Variants in RBM20 observed in about 807,000 individuals in gnomAD.
RBM20 encodes the protein RNA-binding protein 20.
In RBM20, 51 loss-of-function variants were observed where a neutral mutation model predicts 110.1. That is an observed-to-expected ratio of 0.46 (90% CI 0.37 to 0.59). The LOEUF is 0.59. Ranked by LOEUF, RBM20 falls within the 20% of genes least tolerant of loss-of-function variation. RBM20 has a pLI of 0.00. For synonymous variants in RBM20, 589 were observed against 618.2 expected (o/e 0.95, Z 0.70); for missense variants, 1,512 against 1,574.9 (o/e 0.96, Z 0.68).
chr10:110,652,357 C>T (rs1409368892), intron 1 of RBM20, among the ~76,000 whole-genome samples: 4 of 152,148 alleles, frequency 2.6e-5, no homozygotes, highest in African/African-American at 9.7e-5. Flanking sequence ...GGCAATTAGA[C>T]TGGTTTGTCT....
chr10:110,663,332 T>G (rs1238553927), intron 1 of RBM20, among the ~76,000 whole-genome samples: 4 of 152,172 alleles, frequency 2.6e-5, no homozygotes, highest in African/African-American at 9.7e-5. Flanking sequence ...AACACAGTAT[T>G]CTATGTATCA....
intron 3 of RBM20, among the ~76,000 whole-genome samples, chr10:110,783,772 C>G (rs1452189196): frequency 6.6e-6 from 1 of 152,184 alleles, no homozygotes; most frequent in South Asian, 2.1e-4. Context: ...TTTGAAAATA[C>G]TTTGAAGTAT....
rs573391328 is a variant in RBM20 at position 110,763,239 on chromosome 10, C to T, written c.192-17562C>T. On this transcript the variant is annotated intron_variant, in intron 1 of 13. Coordinates refer to ENST00000369519, the MANE Select transcript of RBM20 (RefSeq NM_001134363.3). The stretch of plus-strand genomic sequence containing the variant: ...TTTCAGTGCGACTATAGAAACGTCA[C>T]ACACCGGGTCTGAATTCAGTCCCAG... Among the ~76,000 whole-genome samples the T allele has an allele frequency of 1.1e-4, 17 of 152,170 alleles. No homozygotes were observed. In the East Asian group the frequency reaches 3.3e-3, roughly 29 times the overall value.
chr10:110,803,323 C>T (rs1844653733), intron 7 of RBM20, among the ~76,000 whole-genome samples: 1 of 152,180 alleles, frequency 6.6e-6, no homozygotes, highest in African/African-American at 2.4e-5. Flanking sequence ...AGTGTGTTAT[C>T]ATGATCTCTG....
At chr10:110,684,020 G>A (rs1862461369) in intron 1 of RBM20, among the ~76,000 whole-genome samples, 1 of 152,210 alleles carries the variant, frequency 6.6e-6, no homozygotes, top group Admixed American at 6.5e-5. Flanking sequence ...GGCGGCGGGA[G>A]ATGAGTAAAT....
At chr10:110,702,528 C>G (rs186130619) in intron 1 of RBM20, among the ~76,000 whole-genome samples, 1 of 152,172 alleles carries the variant, frequency 6.6e-6, no homozygotes, top group Non-Finnish European at 1.5e-5. Context: ...CACAATGAGG[C>G]CCTGTCTCTA....
rs1424130999 is a variant in RBM20 at position 110,644,622 on chromosome 10, C to T, written c.168C>T (p.Ala56=). ...CCCAGCCACCGCCCCCGCCCCAAGC[C>T]GGCCTACCCCAGATCATCCAAAAGT... ...PPPQPPPPPQ[A]GLPQIIQNAA... The change falls in exon 1 of 14, where the codon GCC becomes GCT. Residue 56 remains alanine, a synonymous_variant. Coordinates refer to ENST00000369519, the MANE Select transcript of RBM20 (RefSeq NM_001134363.3). This position sits in a 1 kb window ranked among gnomAD's most constrained non-coding sequence, Gnocchi z 4.3. The T allele has an allele frequency of 2.6e-6, 4 of 1,515,082 alleles. No homozygotes were observed. The African/African-American group carries it at 5.7e-5, about 22-fold the overall frequency. 93.9% of individuals were successfully genotyped at this position (1,515,082 alleles called of 1,614,324 possible).
Position 110,823,579 on chromosome 10 carries a change from C to A in RBM20, c.3416C>A (p.Pro1139Gln), listed in dbSNP as rs903726906. Residue 1139 changes from proline to glutamine, a missense_variant, in exon 12 of 14, where the codon CCA becomes CAA. Coordinates refer to ENST00000369519, the MANE Select transcript of RBM20 (RefSeq NM_001134363.3). ...CCCCTTTCTTTGCCCTCTTGGGAACCAGAGGATGTGTTCAGTGAACTTAGC... is the reference window on the plus strand; with the variant it reads ...CCCCTTTCTTTGCCCTCTTGGGAACAAGAGGATGTGTTCAGTGAACTTAGC... The part of the protein sequence containing the change: ...KQPLSLPSWE[P>Q]EDVFSELSIP... 2.6e-6 allele frequency: 4 copies of A among 1,551,370 alleles called. No individual in the cohort carries two copies. In the African/African-American group the frequency reaches 5.5e-5, roughly 21 times the overall value.
chr10:110,750,281 A>G (rs112579330), intron 1 of RBM20, among the ~76,000 whole-genome samples: 7 of 152,370 alleles, frequency 4.6e-5, no homozygotes, highest in South Asian at 4.1e-4. Flanking sequence ...CTATCGTTGT[A>G]TAGGGGGAAA....
chr10:110,742,471 C>A (rs1843735202), intron 1 of RBM20, among the ~76,000 whole-genome samples: 1 of 152,154 alleles, frequency 6.6e-6, no homozygotes, highest in African/African-American at 2.4e-5. Flanking sequence ...CAACATGGAC[C>A]CCTGGACCTT....
intron 8 of RBM20, among the ~76,000 whole-genome samples, chr10:110,811,017 C>G (rs913901704): frequency 4.6e-5 from 7 of 152,134 alleles, no homozygotes; most frequent in Non-Finnish European, 7.4e-5. Context: ...TTCTTCCAAC[C>G]GAAGTTTGTG....
Position 110,837,031 on chromosome 10 carries a change from T to C in RBM20, c.*1053T>C, listed in dbSNP as rs1352518010. ...TGATTCAGCCTTGGTGCCTGCACTCTGGGGTACAACCACCTCACAGTAGGA... is the reference window on the plus strand; with the variant it reads ...TGATTCAGCCTTGGTGCCTGCACTCCGGGGTACAACCACCTCACAGTAGGA... On this transcript the variant is annotated 3_prime_UTR_variant, in exon 14 of 14. Coordinates refer to ENST00000369519, the MANE Select transcript of RBM20 (RefSeq NM_001134363.3). The C allele has an allele frequency of 1.3e-5, 2 of 152,234 alleles. No individual in the cohort carries two copies. The highest frequency in any genetic ancestry group is 3.8e-4 in the East Asian group (2 of 5,204). The allele number at this position is 152,234 out of a possible 1,614,324, so 9.4% of individuals were successfully genotyped here.
At chr10:110,724,464 G>A (rs1843540643) in intron 1 of RBM20, among the ~76,000 whole-genome samples, 1 of 152,146 alleles carries the variant, frequency 6.6e-6, no homozygotes. Context: ...GCTATTTCCT[G>A]AGAGTGCTTC....
intron 1 of RBM20, among the ~76,000 whole-genome samples, chr10:110,677,761 G>T (rs377023544): frequency 6.6e-6 from 1 of 152,152 alleles, no homozygotes; most frequent in Middle Eastern, 3.2e-3. Flanking sequence ...TAGATAGTTG[G>T]TGTGTTCGAT....
intron 9 of RBM20, among the ~76,000 whole-genome samples, chr10:110,817,433 A>G (rs964904463): frequency 6.6e-6 from 1 of 152,184 alleles, no homozygotes; most frequent in East Asian, 1.9e-4. Context: ...GAGCCTAGAC[A>G]AGACCCAACC....
chr10:110,733,815 G>A (rs1274359070), intron 1 of RBM20, among the ~76,000 whole-genome samples: 1 of 152,202 alleles, frequency 6.6e-6, no homozygotes, highest in Non-Finnish European at 1.5e-5. Flanking sequence ...TCTAAAGCAA[G>A]GTAATGGACA....
intron 1 of RBM20, among the ~76,000 whole-genome samples, chr10:110,757,203 C>G (rs2134995239): frequency 6.6e-6 from 1 of 152,284 alleles, no homozygotes; most frequent in African/African-American, 2.4e-5. Context: ...TATTATTCTC[C>G]CAAGCACACA....
At chr10:110,831,292 T>G in intron 13 of RBM20, 110 bp downstream of exon 13, 1 of 1,176,758 alleles carries the variant, frequency 8.5e-7, no homozygotes. Context: ...AGCTCCTACC[T>G]GCAAGGCCTA....
At chr10:110,833,400 A>AAAAAAAAAAAAAAAAG in intron 13 of RBM20, among the ~76,000 whole-genome samples, 1 of 149,350 alleles carries the variant, frequency 6.7e-6, no homozygotes, top group South Asian at 2.1e-4. Flanking sequence ...GAAAAAAAAA[A>AAAAAAAAAAAAAAAAG]AAAAAAGAAA....
Sources: gnomAD v4.1 joint callset for allele counts (sites outside exome capture counted in the v4.1 genomes callset) on GRCh38, gnomAD v4.1.1 for gene constraint, Gnocchi (gnomAD v3.1) non-coding constraint, MANE v1.5 for transcripts, NCBI Gene and HGNC (gene_info 2026-07-23, HGNC 2026-07-21) for gene names.